Variants in ROBO3 observed in about 807,000 individuals in gnomAD.
ROBO3 encodes the protein roundabout homolog 3.
Under a neutral mutation model 160.5 loss-of-function variants are expected in ROBO3, and 97 were observed. The ratio of observed to expected loss-of-function variants is 0.60; its 90% confidence interval spans 0.51 to 0.72. ROBO3 has a LOEUF of 0.72. Ranked by LOEUF, ROBO3 falls within the 30% of genes least tolerant of loss-of-function variation. The pLI is 0.00. For synonymous variants in ROBO3, 780 were observed against 746.2 expected, an observed-to-expected ratio of 1.05 and a Z score of -0.74; for missense variants, 1,858 against 1,846.5, an observed-to-expected ratio of 1.01 and a Z score of -0.11.
At position 124,870,582 on chromosome 11, in the gene ROBO3, G is replaced by A; in HGVS notation, c.906-19G>A. 1 of 1,613,634 alleles carries A rather than the reference G, an allele frequency of 6.2e-7. No homozygotes were observed. Among genetic ancestry groups the A allele is most frequent in the Non-Finnish European group, 8.5e-7 (1 of 1,179,806 alleles). On this transcript the variant is annotated intron_variant, in intron 5 of 27. Coordinates refer to ENST00000397801, the MANE Select transcript of ROBO3 (RefSeq NM_022370.4). ...TCTGTAGCTGTGGCCAACCCAGCCTGGGGTGGGGAGTGGAGCAGGTATGAG... is the reference window on the plus strand; with the variant it reads ...TCTGTAGCTGTGGCCAACCCAGCCTAGGGTGGGGAGTGGAGCAGGTATGAG...
At position 124,871,060 on chromosome 11, in the gene ROBO3, T is replaced by G; in HGVS notation, c.1080T>G (p.Pro360=). 6.2e-7 allele frequency: 1 copy of G among 1,613,770 alleles called. No individual in the cohort carries two copies. Among genetic ancestry groups the G allele is most frequent in the Non-Finnish European group, 8.5e-7 (1 of 1,179,676 alleles). ...VTQPQDQMAA[P]GESVAFQCET... ...AGCCCCAGGACCAGATGGCAGCTCC[T>G]GGAGAGAGCGTGGCTTTCCAGTGCG... The change falls in exon 7 of 28, where the codon CCT becomes CCG. Residue 360 remains proline, a synonymous_variant. Coordinates refer to ENST00000397801, the MANE Select transcript of ROBO3 (RefSeq NM_022370.4).
At position 124,880,594 on chromosome 11, in the gene ROBO3, CAG is replaced by C. The variant is rs1277832845; in HGVS notation, c.4137_4138del (p.Lys1380ThrfsTer17). 58 of 1,546,962 alleles carry C rather than the reference CAG, an allele frequency of 3.7e-5. 1 individual carries two copies. In the Admixed American group the frequency reaches 1.1e-3, roughly 30 times the overall value. Reference sequence around the variant, plus strand: ...CCGGAGCCAGAGCCAAAGGCCAGGACAGAAACGCCGAGAGGTAGGGGCCATAG... The same window carrying C: ...CCGGAGCCAGAGCCAAAGGCCAGGACAAACGCCGAGAGGTAGGGGCCATAG... ...QSRSQSQRPG[Q>X]KRREEPR On this transcript the variant is annotated frameshift_variant, in exon 27 of 28. Coordinates refer to ENST00000397801, the MANE Select transcript of ROBO3 (RefSeq NM_022370.4). LOFTEE classifies it high-confidence loss of function.
At position 124,877,537 on chromosome 11, in the gene ROBO3, C is replaced by A. The variant is rs759094418; in HGVS notation, c.2865C>A (p.Gly955=). ...CCCTCAGGCCACCCATGGGCCTTGG[C>A]CCCGCCCCCTACTCATGGCTGGCAG... ...GASSRPPMGL[G]PAPYSWLADS... The change falls in exon 20 of 28, where the codon GGC becomes GGA. Residue 955 remains glycine (G), a synonymous_variant. Coordinates refer to ENST00000397801, the MANE Select transcript of ROBO3 (RefSeq NM_022370.4). 15 of 1,600,414 alleles carry A rather than the reference C, an allele frequency of 9.4e-6. No individual in the cohort carries two copies. Among genetic ancestry groups the A allele is most frequent in the African/African-American group, 1.3e-5 (1 of 74,516 alleles).
chr11:124,869,822 TC>T lies in ROBO3; in HGVS notation c.646-125del, dbSNP rs1946255502. 1 of 1,383,030 alleles carries T rather than the reference TC, an allele frequency of 7.2e-7. No homozygotes were observed. The highest frequency in any genetic ancestry group is 9.9e-7 in the Non-Finnish European group (1 of 1,008,336). The allele number at this position is 1,383,030 out of a possible 1,614,324, so 85.7% of individuals were successfully genotyped here. On this transcript the variant is annotated intron_variant, in intron 3 of 27. Transcript: ENST00000397801. This position sits in a 1 kb window ranked among gnomAD's most constrained non-coding sequence, Gnocchi z 4.2. Reference sequence around the variant, plus strand: ...TTGATATGTGGGTCAACTTCCTTGGTCTCCTTTATCAGCTTGCTGTGAGGAT... The same window carrying T: ...TTGATATGTGGGTCAACTTCCTTGGTTCCTTTATCAGCTTGCTGTGAGGAT...
rs2135321240 is a variant in ROBO3, at chr11:124,865,819, T to G, written c.160+82T>G. 1.4e-6 allele frequency: 2 copies of G among 1,434,792 alleles called. No homozygotes were observed. The highest frequency in any genetic ancestry group is 2.2e-5 in the Admixed American group (1 of 46,510). The allele number at this position is 1,434,792 out of a possible 1,614,324, so 88.9% of individuals were successfully genotyped here. On this transcript the variant is annotated intron_variant, in intron 1 of 27. Transcript: ENST00000397801. The surrounding 1 kb of genome is among the most constrained non-coding windows in gnomAD (Gnocchi z 5.5). Reference sequence around the variant, plus strand: ...CGGCGTGGAAGGGAAGGAGAAGCGCTCCTGTCCCGAGGTCCGGGATTGAGT... The same window carrying G: ...CGGCGTGGAAGGGAAGGAGAAGCGCGCCTGTCCCGAGGTCCGGGATTGAGT...
rs1345218540 is a variant in ROBO3 at position 124,873,211 on chromosome 11, T to C, written c.1537-99T>C. ...TACCCCTCTGTTCTCTCAGAGCACC[T>C]AGTATCCAACATCTTCCCATCCTTC... On this transcript the variant is annotated intron_variant, in intron 9 of 27. Transcript: ENST00000397801. The surrounding 1 kb of genome is among the most constrained non-coding windows in gnomAD (Gnocchi z 4.5). The C allele has an allele frequency of 7.2e-7, 1 of 1,391,160 alleles. No homozygotes were observed. The highest frequency in any genetic ancestry group is 1.4e-5 in the African/African-American group (1 of 70,270). The allele number at this position is 1,391,160 out of a possible 1,614,324, so 86.2% of individuals were successfully genotyped here.
chr11:124,867,328 C>T (rs549476186), intron 1 of ROBO3, among the ~76,000 whole-genome samples: 1 of 152,304 alleles, frequency 6.6e-6, no homozygotes, highest in Admixed American at 6.5e-5. Flanking sequence ...CTTAGAGCAA[C>T]CCTATCACTG....
chr11:124,879,462 C>T lies in ROBO3; in HGVS notation c.3686-3C>T. The T allele has an allele frequency of 1.2e-6, 2 of 1,613,414 alleles. No individual in the cohort carries two copies. Among genetic ancestry groups the T allele is most frequent in the Non-Finnish European group, 1.7e-6 (2 of 1,179,480 alleles). ...TTCCTCTTCCCGTCTCCTAACACTG[C>T]AGGCAGAACCTGGCAGGGGAATGGG... On this transcript the variant is annotated splice_polypyrimidine_tract_variant and splice_region_variant and intron_variant, in intron 24 of 27. Coordinates refer to ENST00000397801, the MANE Select transcript of ROBO3 (RefSeq NM_022370.4).
chr11:124,877,354 G>A, intron 19 of ROBO3, 45 bp downstream of exon 19: 2 of 1,611,296 alleles, frequency 1.2e-6, no homozygotes, highest in Non-Finnish European at 1.7e-6. Flanking sequence ...CCACCGACAG[G>A]CCACTCTTCT....
Position 124,869,229 on chromosome 11 carries a change from C to T in ROBO3, c.487+101C>T, listed in dbSNP as rs191979441. 7.2e-4 allele frequency: 932 copies of T among 1,300,112 alleles called. 5 individuals are homozygous for T. The African/African-American group carries it at 0.012, about 17-fold the overall frequency. 80.5% of individuals were successfully genotyped at this position (1,300,112 alleles called of 1,614,324 possible). A position where few individuals can be genotyped will look rare whatever the true frequency, so the allele number is the denominator to read the frequency against. On this transcript the variant is annotated intron_variant, in intron 2 of 27. Transcript: ENST00000397801. This position sits in a 1 kb window ranked among gnomAD's most constrained non-coding sequence, Gnocchi z 4.2. Reference sequence around the variant, plus strand: ...AGAACCAGCCCCAAAGGACTTCAGCCCACTCAGCATCCTTCTTTGGGACCG... The same window carrying T: ...AGAACCAGCCCCAAAGGACTTCAGCTCACTCAGCATCCTTCTTTGGGACCG...
At position 124,880,655 on chromosome 11, in the gene ROBO3, G is replaced by T. The variant is rs1946560188; in HGVS notation, c.4149+47G>T. ...AAAATGAGGGCAGAGGACTAGGGAA[G>T]GGTGGACCAAGGCGTAATGGAAAAC... On this transcript the variant is annotated intron_variant, in intron 27 of 27. Transcript: ENST00000397801. 3 of 1,474,860 alleles carry T rather than the reference G, an allele frequency of 2.0e-6. No individual in the cohort carries two copies. In the African/African-American group the frequency reaches 4.2e-5, roughly 21 times the overall value. 91.4% of individuals were successfully genotyped at this position (1,474,860 alleles called of 1,614,324 possible).
chr11:124,868,438 C>A, intron 1 of ROBO3: 1 of 566,604 alleles, frequency 1.8e-6, no homozygotes, highest in Admixed American at 3.0e-5. Context: ...AGATGGAAAC[C>A]ACTGGGCAGG....
rs1946308301 is a variant in ROBO3 at position 124,873,629 on chromosome 11, A to G, written c.1619-68A>G. The G allele has an allele frequency of 2.8e-6, 4 of 1,442,730 alleles. No individual in the cohort carries two copies. The highest frequency in any genetic ancestry group is 3.8e-6 in the Non-Finnish European group (4 of 1,061,954). The allele number at this position is 1,442,730 out of a possible 1,614,324, so 89.4% of individuals were successfully genotyped here. A position where few individuals can be genotyped will look rare whatever the true frequency, so the allele number is the denominator to read the frequency against. On this transcript the variant is annotated intron_variant, in intron 10 of 27. Coordinates refer to ENST00000397801, the MANE Select transcript of ROBO3 (RefSeq NM_022370.4). The surrounding 1 kb of genome is among the most constrained non-coding windows in gnomAD (Gnocchi z 4.5). Reference sequence around the variant, plus strand: ...CTCAGAGCTCCATAGCTCCCCTGGTAAGGAGACAGGTTACACTAGGATTAT... The same window carrying G: ...CTCAGAGCTCCATAGCTCCCCTGGTGAGGAGACAGGTTACACTAGGATTAT...
At chr11:124,880,036 C>T in intron 26 of ROBO3, 88 bp downstream of exon 26, 1 of 1,302,030 alleles carries the variant, frequency 7.7e-7, no homozygotes, top group Non-Finnish European at 1.0e-6. Flanking sequence ...CCAGCTCAGC[C>T]CTCCCTTTAG....
chr11:124,870,257 C>A lies in ROBO3; in HGVS notation c.859C>A (p.Pro287Thr). 1 of 1,614,062 alleles carries A rather than the reference C, an allele frequency of 6.2e-7. No homozygotes were observed. Among genetic ancestry groups the A allele is most frequent in the Non-Finnish European group, 8.5e-7 (1 of 1,179,904 alleles). ...FLCEVKGDPP[P>T]RLRWRKEDGE... is the part of the protein sequence containing the mutation. ...ATGTGAGGTGAAGGGGGATCCCCCA[C>A]CTCGTCTACGCTGGCGCAAGGAGGA... The change falls in exon 5 of 28, where the codon CCT becomes ACT. Residue 287 changes from proline to threonine, a missense_variant. Pro to Thr is a conservative substitution (Grantham distance 38). Coordinates refer to ENST00000397801, the MANE Select transcript of ROBO3 (RefSeq NM_022370.4).
Position 124,869,329 on chromosome 11 carries a change from C to T in ROBO3, c.488-121C>T. On this transcript the variant is annotated intron_variant, in intron 2 of 27. Coordinates refer to ENST00000397801, the MANE Select transcript of ROBO3 (RefSeq NM_022370.4). This position sits in a 1 kb window ranked among gnomAD's most constrained non-coding sequence, Gnocchi z 4.2. The stretch of plus-strand genomic sequence containing the variant: ...CTGACTCCAGGCTGATATTTTCTCA[C>T]CTGGGAACGAATTCCAGTCTGCAGC... 7.0e-6 allele frequency: 8 copies of T among 1,150,844 alleles called. No homozygotes were observed. The highest frequency in any genetic ancestry group is 8.9e-6 in the Non-Finnish European group (7 of 784,904). 71.3% of individuals were successfully genotyped at this position (1,150,844 alleles called of 1,614,324 possible).
chr11:124,867,412 G>A (rs1946213665), intron 1 of ROBO3, among the ~76,000 whole-genome samples: 1 of 152,214 alleles, frequency 6.6e-6, no homozygotes, highest in African/African-American at 2.4e-5. Context: ...CAGCTAGGAA[G>A]CGTCAAAGTC....
At chr11:124,867,257 G>A (rs1946210870) in intron 1 of ROBO3, among the ~76,000 whole-genome samples, 1 of 152,198 alleles carries the variant, frequency 6.6e-6, no homozygotes, top group Non-Finnish European at 1.5e-5. Context: ...GGGAACACAA[G>A]CCCTTAAATA....
Position 124,873,001 on chromosome 11 carries a change from G to A in ROBO3, c.1448G>A (p.Arg483Gln), listed in dbSNP as rs556647372. Residue 483 changes from arginine (R) to glutamine (Q), a missense_variant, in exon 9 of 28, where the codon CGA becomes CAA. Physicochemically the swap from Arg to Gln is conservative, Grantham distance 43. Transcript: ENST00000397801. The surrounding 1 kb of genome is among the most constrained non-coding windows in gnomAD (Gnocchi z 4.5). Reference protein sequence around the residue: ...RVTGNPQPSVRWKKDGQWLQG... With the variant: ...RVTGNPQPSVQWKKDGQWLQG... ...ACTGGGAACCCTCAACCCAGTGTCC[G>A]ATGGAAGAAGGATGGGCAGTGGCTG... The A allele has an allele frequency of 2.2e-5, 36 of 1,613,946 alleles. No homozygotes were observed. The highest frequency in any genetic ancestry group is 2.8e-5 in the Non-Finnish European group (33 of 1,179,866).
Sources: allele counts gnomAD v4.1 joint callset (sites outside exome capture counted in the v4.1 genomes callset), GRCh38; gene constraint gnomAD v4.1.1; non-coding constraint Gnocchi (gnomAD v3.1); transcripts MANE v1.5; gene names NCBI Gene and HGNC (gene_info 2026-07-23, HGNC 2026-07-21).